The following APBA1 variants were observed in gnomAD, a reference collection of about 807,000 sequenced individuals.
APBA1 encodes amyloid-beta A4 precursor protein-binding family A member 1.
In APBA1, 55 loss-of-function variants were observed where a neutral mutation model predicts 86.6. The ratio of observed to expected loss-of-function variants is 0.64; its 90% CI spans 0.51 to 0.80. The LOEUF (loss-of-function observed/expected upper bound fraction) is 0.80, where lower values mean the gene tolerates loss of function less well. Ranked by LOEUF, APBA1 falls within the 30% of genes least tolerant of loss-of-function variation. APBA1 has a pLI of 0.00. For missense variants in APBA1, 1,090 were observed against 1,183.0 expected (o/e 0.92, Z 1.15); for synonymous variants, 511 against 493.9 (o/e 1.03, Z -0.46).
chr9:69,623,136 G>A (rs1822853978), intron 1 of APBA1, among the ~76,000 whole-genome samples: 1 of 152,042 alleles, frequency 6.6e-6, no homozygotes, highest in Non-Finnish European at 1.5e-5. Context: ...CAGCTCATAG[G>A]CACCCCACCC....
chr9:69,499,466 G>A (rs532263406), intron 2 of APBA1, among the ~76,000 whole-genome samples: 1 of 152,078 alleles, frequency 6.6e-6, no homozygotes, highest in Non-Finnish European at 1.5e-5. Flanking sequence ...TAATCAGCAA[G>A]AGGAAATCTC....
chr9:69,605,268 T>TA (rs544009394), intron 1 of APBA1, among the ~76,000 whole-genome samples: 3,142 of 146,638 alleles, frequency 0.021, 73 homozygotes, highest in African/African-American at 0.056. Flanking sequence ...TCCTTTACAG[T>TA]AAAAAAAAAA....
chr9:69,577,948 A>T (rs573534365), intron 1 of APBA1, among the ~76,000 whole-genome samples: 3 of 152,272 alleles, frequency 2.0e-5, no homozygotes, highest in South Asian at 4.2e-4. Context: ...CACTGGCCCA[A>T]CTGGAGAAAG....
At chr9:69,523,153 C>T (rs1388756156) in intron 1 of APBA1, among the ~76,000 whole-genome samples, 1 of 151,996 alleles carries the variant, frequency 6.6e-6, no homozygotes, top group East Asian at 1.9e-4. Flanking sequence ...CCAGGTATCT[C>T]ATAATGTGTA....
chr9:69,535,248 T>C (rs1266660238), intron 1 of APBA1, among the ~76,000 whole-genome samples: 4 of 152,200 alleles, frequency 2.6e-5, no homozygotes, highest in African/African-American at 9.7e-5. Flanking sequence ...AGATTCTGGC[T>C]GGTGGGTCTT....
chr9:69,440,895 G>A, intron 11 of APBA1, 101 bp downstream of exon 11: 3 of 1,413,194 alleles, frequency 2.1e-6, no homozygotes, highest in Non-Finnish European at 2.9e-6. Context: ...GTTGTAGACT[G>A]GAGCTGTTCC....
chr9:69,639,760 G>A (rs1376453137), intron 1 of APBA1, among the ~76,000 whole-genome samples: 1 of 152,178 alleles, frequency 6.6e-6, no homozygotes, highest in Non-Finnish European at 1.5e-5. Flanking sequence ...TATATGTCAA[G>A]TAACCAGAGA....
At chr9:69,505,342 C>T (rs1166900948) in intron 2 of APBA1, among the ~76,000 whole-genome samples, 1 of 152,024 alleles carries the variant, frequency 6.6e-6, no homozygotes, top group Non-Finnish European at 1.5e-5. Flanking sequence ...TCAGGGCTCA[C>T]GTTTCCCTGG....
At chr9:69,577,268 T>A (rs1009283466) in intron 1 of APBA1, among the ~76,000 whole-genome samples, 1 of 152,212 alleles carries the variant, frequency 6.6e-6, no homozygotes, top group Non-Finnish European at 1.5e-5. Flanking sequence ...GAGTAAATAA[T>A]CAACTTGGTC....
chr9:69,481,838 T>C (rs986060733), intron 2 of APBA1, among the ~76,000 whole-genome samples: 10 of 151,976 alleles, frequency 6.6e-5, no homozygotes, highest in African/African-American at 2.2e-4. Context: ...CTATCTGATC[T>C]TTGACAAACC....
At chr9:69,536,916 A>G (rs901593797) in intron 1 of APBA1, among the ~76,000 whole-genome samples, 2 of 150,564 alleles carry the variant, frequency 1.3e-5, no homozygotes, top group African/African-American at 2.4e-5. Context: ...AAATTTACAT[A>G]GCCCAAACCC....
At chr9:69,502,294 C>A (rs1469289893) in intron 2 of APBA1, among the ~76,000 whole-genome samples, 1 of 152,032 alleles carries the variant, frequency 6.6e-6, no homozygotes, top group Non-Finnish European at 1.5e-5. Flanking sequence ...ACCTGCCAGG[C>A]AACACATCTT....
rs556703602 is a variant in APBA1 at position 69,502,776 on chromosome 9, C to T, written c.1200+13235G>A. On this transcript the variant is annotated intron_variant, in intron 2 of 12. Transcript: ENST00000265381. Reference sequence around the variant, plus strand: ...AACCTGAGGAGAAATGAACGCATCACACTTCACCTCAGCAAGCATCACTCC... The same window carrying T: ...AACCTGAGGAGAAATGAACGCATCATACTTCACCTCAGCAAGCATCACTCC... Among the ~76,000 whole-genome samples the T allele has an allele frequency of 1.1e-3, 170 of 152,166 alleles. 2 individuals carry two copies. Among genetic ancestry groups the T allele is most frequent in the African/African-American group, 3.8e-3 (159 of 41,528 alleles).
chr9:69,541,054 G>A (rs1370551852), intron 1 of APBA1, among the ~76,000 whole-genome samples: 2 of 152,152 alleles, frequency 1.3e-5, no homozygotes, highest in South Asian at 4.1e-4. Context: ...AACATTCCAC[G>A]CATGTATATA....
At chr9:69,574,516 A>G (rs1821739925) in intron 1 of APBA1, among the ~76,000 whole-genome samples, 1 of 152,170 alleles carries the variant, frequency 6.6e-6, no homozygotes, top group Non-Finnish European at 1.5e-5. Flanking sequence ...AAAGCAAATG[A>G]ATGTACTGAT....
At chr9:69,620,924 G>T (rs975679046) in intron 1 of APBA1, among the ~76,000 whole-genome samples, 6 of 152,202 alleles carry the variant, frequency 3.9e-5, no homozygotes, top group African/African-American at 1.2e-4. Flanking sequence ...CAGCAGCAAG[G>T]CTTGGGTAGC....
chr9:69,490,372 C>A (rs1305084141), intron 2 of APBA1, among the ~76,000 whole-genome samples: 1 of 151,586 alleles, frequency 6.6e-6, no homozygotes, highest in Non-Finnish European at 1.5e-5. Flanking sequence ...ATACCTAATG[C>A]TAAATGATGA....
Position 69,501,500 on chromosome 9 carries a change from G to A in APBA1, c.1200+14511C>T, listed in dbSNP as rs184906951. ...CTTCTCCAATATGGCCCCAGTACAC[G>A]TATCACAGAAAATATGAGTGGCTGG... On this transcript the variant is annotated intron_variant, in intron 2 of 12. Transcript: ENST00000265381. Among the ~76,000 whole-genome samples the A allele has an allele frequency of 4.0e-3, 610 of 151,912 alleles. 8 individuals are homozygous for A. Among genetic ancestry groups the A allele is most frequent in the African/African-American group, 0.014 (588 of 41,408 alleles).
At chr9:69,586,966 G>A in intron 1 of APBA1, among the ~76,000 whole-genome samples, 1 of 152,242 alleles carries the variant, frequency 6.6e-6, no homozygotes. Flanking sequence ...GCTTCTGGTA[G>A]AGACCATTGT....
Sources: gnomAD v4.1 joint callset for allele counts (sites outside exome capture counted in the v4.1 genomes callset) on GRCh38, gnomAD v4.1.1 for gene constraint, MANE v1.5 for transcripts, NCBI Gene and HGNC (gene_info 2026-07-23, HGNC 2026-07-21) for gene names.